HEYL: variants seen among roughly 807,000 people sequenced by gnomAD.
The protein encoded by HEYL is hes related family bHLH transcription factor with YRPW motif like.
Under a neutral mutation model 18.6 loss-of-function variants are expected in HEYL, and 12 were observed. That is an observed-to-expected ratio of 0.65 (90% CI 0.41 to 1.05). The LOEUF is 1.05. HEYL is among the 50% of genes least tolerant of loss of function. HEYL has a pLI of 0.00. For missense variants in HEYL, 420 were observed against 444.7 expected (o/e 0.94, Z 0.50); for synonymous variants, 159 against 179.6 (o/e 0.89, Z 0.91).
At chr1:39,629,449 G>A (rs1646320111) in intron 4 of HEYL, among the ~76,000 whole-genome samples, 1 of 152,138 alleles carries the variant, frequency 6.6e-6, no homozygotes, top group Non-Finnish European at 1.5e-5. Flanking sequence ...ATCTCTGGGG[G>A]ATGACTCCTG....
At position 39,627,228 on chromosome 1, in the gene HEYL, A is replaced by AT. The variant is rs375109814; in HGVS notation, c.314-49dup. ...GGTCATGCCAGGTGTGGGGAGAAGC[A>AT]TGGAGCCTGGGTCTGACTGTCTGAG... On this transcript the variant is annotated intron_variant, in intron 4 of 4. Transcript: ENST00000372852. 4.2e-4 allele frequency: 654 copies of AT among 1,540,840 alleles called. 4 individuals carry two copies. The Middle Eastern group carries it at 0.014, about 33-fold the overall frequency.
rs1646364269 is a variant in HEYL at position 39,636,819 on chromosome 1, TC to T, written c.80+2726del. Among the ~76,000 whole-genome samples, 4 of 152,336 alleles carry T rather than the reference TC, an allele frequency of 2.6e-5. 1 individual carries two copies. In the South Asian group the frequency reaches 8.3e-4, roughly 32 times the overall value. On this transcript the variant is annotated intron_variant, in intron 1 of 4. Transcript: ENST00000372852. ...CTCCAGTAAGTCCAGTCTTCACACT[TC>T]CGGTCTTTTCATTAGACCATGCTGT...
At chr1:39,630,163 C>T (rs1646324757) in intron 4 of HEYL, 64 bp downstream of exon 4, 5 of 1,440,386 alleles carry the variant, frequency 3.5e-6, no homozygotes, top group African/African-American at 1.4e-5. Context: ...CCAGCATATC[C>T]CCAGGGCCCA....
At chr1:39,639,444 A>G (rs1368289222) in intron 1 of HEYL, 102 bp downstream of exon 1, 2 of 920,508 alleles carry the variant, frequency 2.2e-6, no homozygotes, top group East Asian at 6.5e-5. Flanking sequence ...GCCTCTGCCC[A>G]GGCGGTGCTG....
chr1:39,624,489 C>G lies in HEYL; in HGVS notation c.*2018G>C, dbSNP rs569718016. On this transcript the variant is annotated 3_prime_UTR_variant, in exon 5 of 5. Coordinates refer to ENST00000372852, the MANE Select transcript of HEYL (RefSeq NM_014571.4). ...GTTGCCAAACTGCAAGACTACATCA[C>G]TGACCTGGTATCCCAGGAGCAGCAG... 1 of 152,936 alleles carries G rather than the reference C, an allele frequency of 6.5e-6. No homozygotes were observed. The highest frequency in any genetic ancestry group is 1.5e-5 in the Non-Finnish European group (1 of 68,304). 9.5% of individuals were successfully genotyped at this position (152,936 alleles called of 1,614,324 possible).
chr1:39,629,094 C>T (rs770570880), intron 4 of HEYL, among the ~76,000 whole-genome samples: 16 of 152,170 alleles, frequency 1.1e-4, no homozygotes, highest in African/African-American at 2.2e-4. Flanking sequence ...AAGCCTATAC[C>T]GTGAACCACA....
At position 39,626,448 on chromosome 1, in the gene HEYL, T is replaced by C; in HGVS notation, c.*59A>G. ...AAAGCAGAAAAGGCAGTGCCCTTTT[T>C]TGGGCTCCTGGTAAAAGAACCTTCC... is the stretch of plus-strand genomic sequence containing the variant. On this transcript the variant is annotated 3_prime_UTR_variant, in exon 5 of 5. Coordinates refer to ENST00000372852, the MANE Select transcript of HEYL (RefSeq NM_014571.4). 3 of 1,412,040 alleles carry C rather than the reference T, an allele frequency of 2.1e-6. No homozygotes were observed. The highest frequency in any genetic ancestry group is 1.9e-6 in the Non-Finnish European group (2 of 1,067,936). 87.5% of individuals were successfully genotyped at this position (1,412,040 alleles called of 1,614,324 possible). A position where few individuals can be genotyped will look rare whatever the true frequency, so the allele number is the denominator to read the frequency against.
rs374807919 is a variant in HEYL at position 39,626,797 on chromosome 1, G to A, written c.697C>T (p.Arg233Trp). ...CCTCGACTGGGCAGCACATTCCTCC[G>A]GGCTGGCAGGATGATGCCTGTGGCT... The part of the protein sequence containing the change: ...RRATGIILPA[R>W]RNVLPSRGAS... Residue 233 changes from arginine to tryptophan, a missense_variant, in exon 5 of 5, where the codon CGG (arginine) becomes TGG (tryptophan). Transcript: ENST00000372852. 6.3e-5 allele frequency: 98 copies of A among 1,559,708 alleles called. No individual in the cohort carries two copies. Among genetic ancestry groups the A allele is most frequent in the Admixed American group, 1.2e-4 (6 of 51,294 alleles).
In HEYL at chr1:39,626,771, C is replaced by T. The variant is rs1231799416; in HGVS notation, c.723G>A (p.Gly241=). 1 of 1,547,586 alleles carries T rather than the reference C, an allele frequency of 6.5e-7. No individual in the cohort carries two copies. Among genetic ancestry groups the T allele is most frequent in the Admixed American group, 2.0e-5 (1 of 50,654 alleles). ...PARRNVLPSR[G]ASSTRRARPL... is the part of the protein sequence containing the mutation. ...GGCGGGCCCTCCGGGTGGAAGATGC[C>T]CCTCGACTGGGCAGCACATTCCTCC... The change falls in exon 5 of 5, where the codon GGG becomes GGA. Residue 241 remains glycine, a synonymous_variant. Transcript: ENST00000372852.
At position 39,626,964 on chromosome 1, in the gene HEYL, C is replaced by G; in HGVS notation, c.530G>C (p.Trp177Ser). Residue 177 changes from tryptophan (W) to serine (S), a missense_variant, in exon 5 of 5, where the codon TGG becomes TCG. Coordinates refer to ENST00000372852, the MANE Select transcript of HEYL (RefSeq NM_014571.4). The stretch of plus-strand genomic sequence containing the variant: ...CCCTGGACAGCTATGGAAGAAAGAC[C>G]AGGGCCAGGCAGGGAAGGCCAAAGG... ...TGPLAFPAWP[W>S]SFFHSCPGLP... The G allele has an allele frequency of 1.2e-6, 2 of 1,614,060 alleles. No individual in the cohort carries two copies. Among genetic ancestry groups the G allele is most frequent in the South Asian group, 2.2e-5 (2 of 91,076 alleles).
chr1:39,631,173 C>T (rs1646330931), intron 3 of HEYL, among the ~76,000 whole-genome samples: 1 of 152,156 alleles, frequency 6.6e-6, no homozygotes, highest in African/African-American at 2.4e-5. Flanking sequence ...AGTCCTGTGC[C>T]CTGCTATTTA....
At chr1:39,632,067 T>C (rs1294843741) in intron 2 of HEYL, among the ~76,000 whole-genome samples, 1 of 152,212 alleles carries the variant, frequency 6.6e-6, no homozygotes, top group East Asian at 1.9e-4. Flanking sequence ...AGGACAGATA[T>C]GACCCCATTT....
chr1:39,632,279 C>A (rs1479012843), intron 2 of HEYL, among the ~76,000 whole-genome samples: 3 of 152,206 alleles, frequency 2.0e-5, no homozygotes, highest in Non-Finnish European at 2.9e-5. Context: ...TCCCCTCCCC[C>A]ACCCCGGCAC....
chr1:39,632,522 C>T (rs1387712501), intron 2 of HEYL, 127 bp downstream of exon 2: 2 of 832,682 alleles, frequency 2.4e-6, no homozygotes, highest in Non-Finnish European at 3.9e-6. Context: ...GTGACAGAGC[C>T]GGGATTTGAA....
At position 39,625,577 on chromosome 1, in the gene HEYL, A is replaced by G. The variant is rs1273167175; in HGVS notation, c.*930T>C. 1 of 152,354 alleles carries G rather than the reference A, an allele frequency of 6.6e-6. No individual in the cohort carries two copies. The highest frequency in any genetic ancestry group is 2.4e-5 in the African/African-American group (1 of 41,476). 9.4% of individuals were successfully genotyped at this position (152,354 alleles called of 1,614,324 possible). A position where few individuals can be genotyped will look rare whatever the true frequency, so the allele number is the denominator to read the frequency against. ...CACAGACGTCTGGTGCTGAATCCCA[A>G]GAGGTTCCTCTCTGCGCACCATCAC... is the stretch of plus-strand genomic sequence containing the variant. On this transcript the variant is annotated 3_prime_UTR_variant, in exon 5 of 5. Coordinates refer to ENST00000372852, the MANE Select transcript of HEYL (RefSeq NM_014571.4).
chr1:39,630,095 C>T (rs562834094), intron 4 of HEYL, 132 bp downstream of exon 4: 1 of 737,608 alleles, frequency 1.4e-6, no homozygotes, highest in African/African-American at 1.7e-5. Context: ...AGAAGCTTTG[C>T]AAATGTTCCC....
In HEYL at chr1:39,626,836, C is replaced by T. The variant is rs752497647; in HGVS notation, c.658G>A (p.Ala220Thr). The change falls in exon 5 of 5, where the codon GCT (alanine) becomes ACT (threonine). Residue 220 changes from alanine (A) to threonine (T), a missense_variant. Physicochemically the swap from Ala to Thr is moderately conservative, Grantham distance 58 (BLOSUM62 0). Coordinates refer to ENST00000372852, the MANE Select transcript of HEYL (RefSeq NM_014571.4). ...PAYPIPALRTAPLRRATGIIL... is the reference protein window; with the variant it reads ...PAYPIPALRTTPLRRATGIIL... The stretch of plus-strand genomic sequence containing the variant: ...ATGCCTGTGGCTCTGCGAAGGGGAG[C>T]GGTTCGGAGGGCTGGGATGGGGTAA... 5.2e-5 allele frequency: 82 copies of T among 1,572,524 alleles called. No individual in the cohort carries two copies. The highest frequency in any genetic ancestry group is 6.7e-5 in the Non-Finnish European group (78 of 1,158,746).
At chr1:39,632,163 C>T (rs1426148718) in intron 2 of HEYL, among the ~76,000 whole-genome samples, 2 of 152,116 alleles carry the variant, frequency 1.3e-5, no homozygotes, top group African/African-American at 4.8e-5. Context: ...TCTGCCAGAC[C>T]CCAGGTGTCT....
chr1:39,635,523 A>AT (rs1158116376), intron 1 of HEYL, among the ~76,000 whole-genome samples: 4 of 151,992 alleles, frequency 2.6e-5, no homozygotes, highest in Admixed American at 6.6e-5. Flanking sequence ...CTGTCGTATT[A>AT]TTTCCCCCCT....
Sources: allele counts gnomAD v4.1 joint callset (sites outside exome capture counted in the v4.1 genomes callset), GRCh38; gene constraint gnomAD v4.1.1; transcripts MANE v1.5; gene names NCBI Gene and HGNC (gene_info 2026-07-23, HGNC 2026-07-21).